Variants in KLHL22 observed in about 807,000 individuals in gnomAD.
The protein encoded by KLHL22 is kelch like family member 22, also known as kelch-like protein 22.
Under a neutral mutation model 60.7 loss-of-function variants are expected in KLHL22, and 18 were observed. The ratio of observed to expected loss-of-function variants is 0.30; its 90% CI spans 0.20 to 0.44. The LOEUF (loss-of-function observed/expected upper bound fraction) is 0.44. Ranked by LOEUF, KLHL22 falls within the 20% of genes least tolerant of loss-of-function variation. The pLI is 1.00. For missense variants in KLHL22, 596 were observed against 852.3 expected (o/e 0.70, Z 3.74); for synonymous variants, 355 against 354.5 (o/e 1.00, Z -0.01).
intron 2 of KLHL22, among the ~76,000 whole-genome samples, chr22:20,474,571 T>C (rs2053379665): frequency 6.6e-6 from 1 of 152,038 alleles, no homozygotes; most frequent in Admixed American, 6.6e-5. Context: ...TTTGTATTTT[T>C]AGTAGAGATG....
intron 4 of KLHL22, among the ~76,000 whole-genome samples, chr22:20,461,990 C>T (rs1283619350): frequency 2.0e-5 from 3 of 151,854 alleles, no homozygotes; most frequent in Non-Finnish European, 4.4e-5. Context: ...CTCAGCCACT[C>T]GGGAGGCTGA....
At position 20,446,488 on chromosome 22, in the gene KLHL22, G is replaced by A. The variant is rs151118750; in HGVS notation, c.1494C>T (p.Ile498=). The A allele has an allele frequency of 5.5e-5, 88 of 1,612,466 alleles. No homozygotes were observed. In the African/African-American group the frequency reaches 7.1e-4, roughly 13 times the overall value. Residue 498 remains isoleucine (I), a synonymous_variant, in exon 6 of 7, where the codon ATC becomes ATT. Coordinates refer to ENST00000328879, the MANE Select transcript of KLHL22 (RefSeq NM_032775.4). ...ATCCGGCATCGTTGTTGCTGCCCCC[G>A]ATCACATACAGCTTGTTGAGGAGGG... The part of the protein sequence containing the change: ...MATLLNKLYV[I]GGSNNDAGYR...
intron 2 of KLHL22, among the ~76,000 whole-genome samples, chr22:20,472,663 T>C (rs1601364003): frequency 6.6e-6 from 1 of 150,528 alleles, no homozygotes; most frequent in South Asian, 2.1e-4. Context: ...GAGGCGGAGG[T>C]TGCAGTGAGC....
intron 5 of KLHL22, 108 bp downstream of exon 5, chr22:20,457,700 C>A: frequency 1.2e-6 from 1 of 802,184 alleles, no homozygotes. Context: ...CTCACTGAGC[C>A]TGTTTCTCTG....
rs142546343 is a variant in KLHL22, at chr22:20,443,071, C to T, written c.1540-633G>A. Among the ~76,000 whole-genome samples, 100 of 152,352 alleles carry T rather than the reference C, an allele frequency of 6.6e-4. 2 individuals are homozygous for T. Among genetic ancestry groups the T allele is most frequent in the Middle Eastern group, 3.4e-3 (1 of 294 alleles). On this transcript the variant is annotated intron_variant, in intron 6 of 6. Transcript: ENST00000328879. Reference sequence around the variant, plus strand: ...AAAACATCAGAGACAAATTTTTCAACTAGCAACCACTGCAGAGAAGGAAAA... The same window carrying T: ...AAAACATCAGAGACAAATTTTTCAATTAGCAACCACTGCAGAGAAGGAAAA...
intron 3 of KLHL22, 45 bp downstream of exon 3, chr22:20,471,305 C>A: frequency 6.3e-7 from 1 of 1,587,648 alleles, no homozygotes; most frequent in South Asian, 1.1e-5. Flanking sequence ...CTCAGGGAAC[C>A]CCACCTGGGT....
At chr22:20,458,510 A>C (rs1269091684) in intron 4 of KLHL22, among the ~76,000 whole-genome samples, 1 of 141,568 alleles carries the variant, frequency 7.1e-6, no homozygotes, top group Non-Finnish European at 1.5e-5. Flanking sequence ...GGACTTAGGC[A>C]ATCCTCCTGC....
chr22:20,451,979 C>T (rs1452683921), intron 5 of KLHL22, among the ~76,000 whole-genome samples: 10 of 152,086 alleles, frequency 6.6e-5, no homozygotes. Context: ...GACACATACT[C>T]CCCCTCGTCC....
chr22:20,471,615 G>A, intron 2 of KLHL22, 100 bp from the exon 3 acceptor site: 3 of 1,308,014 alleles, frequency 2.3e-6, no homozygotes, highest in Middle Eastern at 1.9e-4. Context: ...GGCGCTGGTG[G>A]CAGGGCCCTG....
chr22:20,480,708 C>T (rs1601379309), intron 2 of KLHL22, among the ~76,000 whole-genome samples: 1 of 151,998 alleles, frequency 6.6e-6, no homozygotes. Flanking sequence ...CCTCTTCAAA[C>T]ACCTTAATAT....
chr22:20,477,350 C>T (rs2053431409), intron 2 of KLHL22, among the ~76,000 whole-genome samples: 1 of 151,768 alleles, frequency 6.6e-6, no homozygotes, highest in South Asian at 2.1e-4. Flanking sequence ...GATATCGCAC[C>T]ACTACTCTGT....
chr22:20,452,877 A>G (rs1311833391), intron 5 of KLHL22, among the ~76,000 whole-genome samples: 1 of 152,234 alleles, frequency 6.6e-6, no homozygotes. Context: ...ACTTCTGCCA[A>G]GGAGTGGTTT....
At chr22:20,472,091 A>G (rs1424527380) in intron 2 of KLHL22, among the ~76,000 whole-genome samples, 1 of 151,838 alleles carries the variant, frequency 6.6e-6, no homozygotes, top group East Asian at 1.9e-4. Flanking sequence ...TACTAAAAAT[A>G]CAAATATTAG....
rs2053550584 is a variant in KLHL22, at chr22:20,484,193, A to C, written c.227+4792T>G. The C allele has an allele frequency of 5.9e-6, 3 of 506,694 alleles. No individual in the cohort carries two copies. The Admixed American group carries it at 6.6e-5, about 11-fold the overall frequency. 31.4% of individuals were successfully genotyped at this position (506,694 alleles called of 1,614,324 possible). ...TTTTTAGTAGAGACGGGGTTTCGCC[A>C]TGTTGGCCAGGCTGGTCTCCAACTC... is the stretch of plus-strand genomic sequence containing the variant. On this transcript the variant is annotated intron_variant, in intron 2 of 6. Coordinates refer to ENST00000328879, the MANE Select transcript of KLHL22 (RefSeq NM_032775.4).
rs199515753 is a variant in KLHL22 at position 20,442,291 on chromosome 22, C to T, written c.1687G>A (p.Val563Met). The T allele has an allele frequency of 3.1e-5, 50 of 1,613,846 alleles. No individual in the cohort carries two copies. Among genetic ancestry groups the T allele is most frequent in the Non-Finnish European group, 4.1e-5 (48 of 1,180,022 alleles). ...SHNRGSRTGY[V>M]HIYDVEKDCW... ...TCCTTCTCCACATCGTAAATGTGCA[C>T]GTAGCCTGTGCGGCTGCCGCGGTTG... Residue 563 changes from valine (V) to methionine (M), a missense_variant, in exon 7 of 7, where the codon GTG (valine) becomes ATG (methionine). Transcript: ENST00000328879.
chr22:20,451,266 C>T lies in KLHL22; in HGVS notation c.1306-4590G>A, dbSNP rs1431599139. 2.5e-6 allele frequency: 4 copies of T among 1,605,124 alleles called. No individual in the cohort carries two copies. The Admixed American group carries it at 5.0e-5, about 20-fold the overall frequency. On this transcript the variant is annotated intron_variant, in intron 5 of 6. Coordinates refer to ENST00000328879, the MANE Select transcript of KLHL22 (RefSeq NM_032775.4). ...CCACCCTGGGAGATTTGATCTATGT[C>T]TCTGGAGGCTTTGATGGAAGCAGGC...
At chr22:20,490,830 C>G (rs1029075029) in intron 1 of KLHL22, among the ~76,000 whole-genome samples, 7 of 152,278 alleles carry the variant, frequency 4.6e-5, no homozygotes, top group African/African-American at 1.7e-4. Flanking sequence ...CTGGATCACC[C>G]TCCACTCACC....
chr22:20,466,093 C>T (rs939640620), intron 3 of KLHL22, among the ~76,000 whole-genome samples: 4 of 152,016 alleles, frequency 2.6e-5, no homozygotes, highest in African/African-American at 7.2e-5. Flanking sequence ...AGTACTGGCT[C>T]GGCCGGGTGC....
chr22:20,463,841 G>A (rs990922772), intron 4 of KLHL22, among the ~76,000 whole-genome samples: 3 of 152,206 alleles, frequency 2.0e-5, no homozygotes, highest in Non-Finnish European at 4.4e-5. Context: ...GCTGAGAAAT[G>A]GCCTTCTCCT....
Sources: allele counts gnomAD v4.1 joint callset (sites outside exome capture counted in the v4.1 genomes callset), GRCh38; gene constraint gnomAD v4.1.1; transcripts MANE v1.5; gene names NCBI Gene and HGNC (gene_info 2026-07-23, HGNC 2026-07-21).